Variants in GRIA4 observed in about 807,000 individuals in gnomAD.
The protein encoded by GRIA4 is glutamate ionotropic receptor AMPA type subunit 4.
Under a neutral mutation model 104.0 loss-of-function variants are expected in GRIA4, and 34 were observed. That is an observed-to-expected ratio of 0.33 (90% CI 0.25 to 0.44). GRIA4 has a LOEUF of 0.44. Ranked by LOEUF, GRIA4 falls within the 20% of genes least tolerant of loss-of-function variation. GRIA4 has a pLI of 1.00. For missense variants in GRIA4, 750 were observed against 1,096.5 expected (o/e 0.68, Z 4.46); for synonymous variants, 386 against 381.9 (o/e 1.01, Z -0.13).
At chr11:105,787,515 G>A (rs533107986) in intron 4 of GRIA4, among the ~76,000 whole-genome samples, 13 of 113,798 alleles carry the variant, frequency 1.1e-4, no homozygotes, top group South Asian at 8.3e-4. Flanking sequence ...TTGTTCTGTC[G>A]CCTAGGCTGG....
At chr11:105,888,271 C>CAT (rs1555038827) in intron 6 of GRIA4, among the ~76,000 whole-genome samples, 8 of 54,574 alleles carry the variant, frequency 1.5e-4, no homozygotes, top group East Asian at 6.2e-4. Context: ...ATGTTTTCTC[C>CAT]TTTTTTTTTT....
intron 4 of GRIA4, among the ~76,000 whole-genome samples, chr11:105,851,649 T>C (rs1944815584): frequency 1.3e-5 from 2 of 152,238 alleles, no homozygotes; most frequent in South Asian, 4.1e-4. Flanking sequence ...GAATAGCCAT[T>C]GCATTCCGTT....
intron 4 of GRIA4, among the ~76,000 whole-genome samples, chr11:105,772,954 AAG>A (rs1351930727): frequency 6.6e-5 from 10 of 152,138 alleles, no homozygotes; most frequent in Non-Finnish European, 1.5e-4. Flanking sequence ...AAGCTAAAAA[AAG>A]AGAGCGAGGG....
intron 3 of GRIA4, among the ~76,000 whole-genome samples, chr11:105,646,780 C>T (rs1040326595): frequency 6.6e-6 from 1 of 152,188 alleles, no homozygotes; most frequent in East Asian, 1.9e-4. Flanking sequence ...ATACCATATA[C>T]AAAAATTAAC....
chr11:105,914,518 A>G (rs1947343747), intron 10 of GRIA4, among the ~76,000 whole-genome samples: 1 of 152,180 alleles, frequency 6.6e-6, no homozygotes, highest in African/African-American at 2.4e-5. Flanking sequence ...TAGGAAAATT[A>G]TATTTTATTG....
rs1012328502 is a variant in GRIA4, at chr11:105,981,226, C to T, written c.*1487C>T. The T allele has an allele frequency of 6.6e-6, 1 of 152,568 alleles. No individual in the cohort carries two copies. The highest frequency in any genetic ancestry group is 6.5e-5 in the Admixed American group (1 of 15,268). The allele number at this position is 152,568 out of a possible 1,614,324, so 9.5% of individuals were successfully genotyped here. A position where few individuals can be genotyped will look rare whatever the true frequency, so the allele number is the denominator to read the frequency against. On this transcript the variant is annotated 3_prime_UTR_variant, in exon 17 of 17. Transcript: ENST00000282499. ...TCATTTGAAATAATAAATAAGTACT[C>T]TAATACAGATAAAAATCATGTACTT...
In GRIA4 at chr11:105,660,757, A is replaced by G. The variant is rs1951983646; in HGVS notation, c.247+48323A>G. Reference sequence around the variant, plus strand: ...GCAGGCAAAAAGTTGAAAGAAAAAGAATGTCCATGAAAAACTCCAAGACAT... The same window carrying G: ...GCAGGCAAAAAGTTGAAAGAAAAAGGATGTCCATGAAAAACTCCAAGACAT... On this transcript the variant is annotated intron_variant, in intron 3 of 16. Transcript: ENST00000282499. 2.0e-5 allele frequency among the ~76,000 whole-genome samples: 3 copies of G among 151,574 alleles called. No individual in the cohort carries two copies. In the South Asian group the frequency reaches 6.2e-4, roughly 31 times the overall value.
chr11:105,801,969 C>T (rs539949851), intron 4 of GRIA4, among the ~76,000 whole-genome samples: 22 of 152,064 alleles, frequency 1.4e-4, no homozygotes, highest in African/African-American at 5.3e-4. Flanking sequence ...AGGCCAGCAT[C>T]TGGGATGCCA....
At chr11:105,956,726 A>C (rs969556459) in intron 14 of GRIA4, among the ~76,000 whole-genome samples, 1 of 152,316 alleles carries the variant, frequency 6.6e-6, no homozygotes, top group African/African-American at 2.4e-5. Flanking sequence ...TCCCATCAAC[A>C]GCGTAAAAGT....
intron 14 of GRIA4, among the ~76,000 whole-genome samples, chr11:105,966,408 C>G (rs511106): frequency 6.6e-6 from 1 of 151,744 alleles, no homozygotes; most frequent in Admixed American, 6.6e-5. Flanking sequence ...GGGCGGTAAG[C>G]CTGTCTTGTT....
At position 105,811,219 on chromosome 11, in the gene GRIA4, C is replaced by T. The variant is rs189474290; in HGVS notation, c.488-50805C>T. 2.9e-4 allele frequency among the ~76,000 whole-genome samples: 44 copies of T among 152,134 alleles called. 1 individual carries two copies. In the East Asian group the frequency reaches 3.3e-3, roughly 11 times the overall value. ...GGAACACAGCAGCACAACTGAGATT[C>T]GAGGGTAAGGAAAATGTATTAAAAA... On this transcript the variant is annotated intron_variant, in intron 4 of 16. Coordinates refer to ENST00000282499, the MANE Select transcript of GRIA4 (RefSeq NM_000829.4).
At chr11:105,634,464 A>G (rs11226812) in intron 3 of GRIA4, among the ~76,000 whole-genome samples, 30 of 101,366 alleles carry the variant, frequency 3.0e-4, no homozygotes, top group African/African-American at 9.7e-4. Flanking sequence ...AGAAAGAAAG[A>G]AAGGGAAAGA....
At position 105,624,056 on chromosome 11, in the gene GRIA4, G is replaced by A. The variant is rs188098884; in HGVS notation, c.247+11622G>A. ...CGAAAAATCAAGTAAAGAATATGAA[G>A]ACAATGGGATAGTAGATCCAAAATA... On this transcript the variant is annotated intron_variant, in intron 3 of 16. Coordinates refer to ENST00000282499, the MANE Select transcript of GRIA4 (RefSeq NM_000829.4). Among the ~76,000 whole-genome samples, 235 of 152,080 alleles carry A rather than the reference G, an allele frequency of 1.5e-3. 1 individual carries two copies. Among genetic ancestry groups the A allele is most frequent in the Admixed American group, 4.3e-3 (65 of 15,248 alleles).
intron 10 of GRIA4, among the ~76,000 whole-genome samples, chr11:105,918,408 T>C (rs766004003): frequency 2.0e-5 from 3 of 152,156 alleles, no homozygotes; most frequent in Non-Finnish European, 4.4e-5. Flanking sequence ...GAATATAATT[T>C]ATGCTTCTTT....
chr11:105,920,947 A>G (rs1214978778), intron 11 of GRIA4, among the ~76,000 whole-genome samples: 2 of 152,072 alleles, frequency 1.3e-5, no homozygotes, highest in Admixed American at 1.3e-4. Flanking sequence ...TTGTTTTCCT[A>G]CTGCAAACAC....
intron 3 of GRIA4, among the ~76,000 whole-genome samples, chr11:105,654,478 ATAT>A (rs1273367184): frequency 6.6e-6 from 1 of 152,132 alleles, no homozygotes; most frequent in African/African-American, 2.4e-5. Context: ...TTTATCTATA[ATAT>A]TATGTGTATA....
chr11:105,740,813 T>G (rs572764586), intron 3 of GRIA4, among the ~76,000 whole-genome samples: 1 of 152,124 alleles, frequency 6.6e-6, no homozygotes, highest in African/African-American at 2.4e-5. Flanking sequence ...TAAGTTTAAA[T>G]AGAAGAAAAA....
chr11:105,712,947 T>C (rs1026034629), intron 3 of GRIA4, among the ~76,000 whole-genome samples: 2 of 152,152 alleles, frequency 1.3e-5, no homozygotes, highest in African/African-American at 4.8e-5. Flanking sequence ...GGCTGCATAT[T>C]ACCCAATGCT....
At chr11:105,716,946 A>C (rs1430976801) in intron 3 of GRIA4, among the ~76,000 whole-genome samples, 2 of 152,060 alleles carry the variant, frequency 1.3e-5, no homozygotes, top group Non-Finnish European at 2.9e-5. Flanking sequence ...CTAATCCATA[A>C]AAAAAGAAAA....
Sources: allele counts gnomAD v4.1 joint callset (sites outside exome capture counted in the v4.1 genomes callset), GRCh38; gene constraint gnomAD v4.1.1; transcripts MANE v1.5; gene names NCBI Gene and HGNC (gene_info 2026-07-23, HGNC 2026-07-21).